The following RTN4 variants were observed in gnomAD, a reference collection of about 807,000 sequenced individuals.
The protein encoded by RTN4 is reticulon 4.
A neutral mutation model predicts 90.4 loss-of-function variants in RTN4; 32 were observed. The ratio of observed to expected loss-of-function variants is 0.35; its 90% CI spans 0.27 to 0.48. The LOEUF (loss-of-function observed/expected upper bound fraction) is 0.48. Ranked by LOEUF, RTN4 falls within the 20% of genes least tolerant of loss-of-function variation. RTN4 has a pLI of 0.99. For synonymous variants in RTN4, 629 were observed against 552.5 expected (o/e 1.14, Z -1.94); for missense variants, 1,706 against 1,430.2 (o/e 1.19, Z -3.11).
intron 1 of RTN4, among the ~76,000 whole-genome samples, chr2:55,031,758 A>G (rs918332486): frequency 6.6e-6 from 1 of 152,192 alleles, no homozygotes; most frequent in African/African-American, 2.4e-5. Context: ...TGTGCTGTCT[A>G]TAACTACTTT....
the RTN4 span, among the ~76,000 whole-genome samples, chr2:55,133,398 T>C: frequency 6.6e-6 from 1 of 152,222 alleles, no homozygotes; most frequent in Admixed American, 6.5e-5. Flanking sequence ...TGCCTTTTTT[T>C]TACTTGCAAA....
At chr2:55,077,074 G>A (rs1425132343) in intron 2 of RTN4, among the ~76,000 whole-genome samples, 2 of 150,984 alleles carry the variant, frequency 1.3e-5, no homozygotes, top group African/African-American at 4.9e-5. Flanking sequence ...GTGCAGTGGC[G>A]CGATCTCGGC....
intron 1 of RTN4, among the ~76,000 whole-genome samples, chr2:55,081,505 C>G (rs1668717099): frequency 6.6e-6 from 1 of 152,062 alleles, no homozygotes; most frequent in African/African-American, 2.4e-5. Context: ...GAATACTAAA[C>G]ATTTGTGATT....
chr2:55,075,280 C>T (rs1264826384), intron 2 of RTN4, among the ~76,000 whole-genome samples: 1 of 152,158 alleles, frequency 6.6e-6, no homozygotes, highest in Non-Finnish European at 1.5e-5. Flanking sequence ...TATACACCAA[C>T]AGCGACCAAG....
the RTN4 span, among the ~76,000 whole-genome samples, chr2:55,135,112 G>T: frequency 4.0e-5 from 6 of 151,680 alleles, no homozygotes; most frequent in African/African-American, 1.5e-4. Context: ...TTAAAAAAAT[G>T]TTTTTAATGC....
intron 1 of RTN4, among the ~76,000 whole-genome samples, chr2:55,043,920 A>G (rs1683240441): frequency 6.6e-6 from 1 of 152,000 alleles, no homozygotes; most frequent in African/African-American, 2.4e-5. Context: ...AAATAAAAAT[A>G]TATTTAGGCT....
intron 3 of RTN4, among the ~76,000 whole-genome samples, chr2:55,016,867 G>C (rs1003612740): frequency 6.6e-6 from 1 of 152,146 alleles, no homozygotes; most frequent in African/African-American, 2.4e-5. Context: ...GGGTCATACA[G>C]CTAAATCAGT....
intron 3 of RTN4, among the ~76,000 whole-genome samples, chr2:54,997,959 C>T (rs2104730979): frequency 6.6e-6 from 1 of 152,210 alleles, no homozygotes; most frequent in Admixed American, 6.5e-5. Context: ...TCTGCAGTTT[C>T]TAGGGCATAC....
chr2:55,101,277 T>C (rs1246005286), intron 1 of RTN4, among the ~76,000 whole-genome samples: 1 of 152,112 alleles, frequency 6.6e-6, no homozygotes, highest in Non-Finnish European at 1.5e-5. Context: ...TTATGAATAC[T>C]TATTACTTTT....
chr2:55,024,291 A>T (rs1681656562), intron 3 of RTN4, among the ~76,000 whole-genome samples: 1 of 152,140 alleles, frequency 6.6e-6, no homozygotes, highest in African/African-American at 2.4e-5. Flanking sequence ...GAATGTTCAT[A>T]ATCTCCTCTT....
chr2:54,988,083 G>A (rs1336731599), intron 3 of RTN4, among the ~76,000 whole-genome samples: 8 of 152,230 alleles, frequency 5.3e-5, no homozygotes, highest in Admixed American at 5.2e-4. Context: ...GTGGGAGGCT[G>A]AGGCAGGTGG....
intron 1 of RTN4, among the ~76,000 whole-genome samples, chr2:55,040,351 T>C (rs771334274): frequency 1.3e-5 from 2 of 152,170 alleles, no homozygotes; most frequent in Non-Finnish European, 2.9e-5. Context: ...GATACAAGCA[T>C]CTTTGGTAAC....
rs181144122 is a variant in RTN4, at chr2:54,974,340, C to G, written c.3430+355G>C. The G allele has an allele frequency of 2.0e-3, 509 of 258,164 alleles. 5 individuals are homozygous for G. Among genetic ancestry groups the G allele is most frequent in the African/African-American group, 0.011 (494 of 44,090 alleles). The allele number at this position is 258,164 out of a possible 1,614,324, so 16.0% of individuals were successfully genotyped here. On this transcript the variant is annotated intron_variant, in intron 6 of 8. Coordinates refer to ENST00000337526, the MANE Select transcript of RTN4 (RefSeq NM_020532.5). ...TGTTGCCCAACCTGGAGTGCAATGGCACGATCTCCGCTCACTGCAACCTCT... is the reference window on the plus strand; with the variant it reads ...TGTTGCCCAACCTGGAGTGCAATGGGACGATCTCCGCTCACTGCAACCTCT...
chr2:55,023,633 C>A (rs1242795701), intron 3 of RTN4, among the ~76,000 whole-genome samples: 1 of 151,862 alleles, frequency 6.6e-6, no homozygotes, highest in African/African-American at 2.4e-5. Flanking sequence ...CCCCTTCCCA[C>A]CTTAAAAAAA....
intron 1 of RTN4, among the ~76,000 whole-genome samples, chr2:55,092,751 T>A (rs893074321): frequency 6.6e-6 from 1 of 152,200 alleles, no homozygotes; most frequent in African/African-American, 2.4e-5. Context: ...TGACCACATA[T>A]ATATGTAGAT....
intron 2 of RTN4, among the ~76,000 whole-genome samples, chr2:55,076,757 T>C (rs1363884264): frequency 6.6e-6 from 1 of 152,142 alleles, no homozygotes; most frequent in Admixed American, 6.5e-5. Flanking sequence ...AGGGACCCAG[T>C]GGGAGATAAG....
intron 1 of RTN4, among the ~76,000 whole-genome samples, chr2:55,032,015 A>G (rs1682350122): frequency 6.6e-6 from 1 of 152,260 alleles, no homozygotes; most frequent in Non-Finnish European, 1.5e-5. Context: ...CAAAGCAGCA[A>G]GAAAATATGA....
chr2:55,132,934 G>A, the RTN4 span, among the ~76,000 whole-genome samples: 8 of 151,052 alleles, frequency 5.3e-5, no homozygotes, highest in South Asian at 1.3e-3. Context: ...AAACATGGCC[G>A]GGTGTGGTGG....
At chr2:55,070,835 G>A (rs934873056) in intron 2 of RTN4, among the ~76,000 whole-genome samples, 2 of 151,818 alleles carry the variant, frequency 1.3e-5, no homozygotes, top group African/African-American at 4.8e-5. Context: ...GGAGTACAGT[G>A]GTGCGATCTC....
Sources: allele counts gnomAD v4.1 joint callset (sites outside exome capture counted in the v4.1 genomes callset), GRCh38; gene constraint gnomAD v4.1.1; transcripts MANE v1.5; gene names NCBI Gene and HGNC (gene_info 2026-07-23, HGNC 2026-07-21).